Variants in PIWIL3 observed in about 807,000 individuals in gnomAD.
PIWIL3 encodes the protein piwi-like protein 3.
A neutral mutation model predicts 109.7 loss-of-function variants in PIWIL3; 101 were observed. That is an observed-to-expected ratio of 0.92 (90% CI 0.78 to 1.09). The LOEUF is 1.09. Among genes scored for constraint, PIWIL3 ranks in the 50% least tolerant of loss-of-function variants. The pLI, the probability that PIWIL3 is intolerant of heterozygous loss-of-function variation, is 0.00. For synonymous variants in PIWIL3, 373 were observed against 376.4 expected, an observed-to-expected ratio of 0.99 and a Z score of 0.10; for missense variants, 1,031 against 1,072.6, an observed-to-expected ratio of 0.96 and a Z score of 0.54.
intron 1 of PIWIL3, among the ~76,000 whole-genome samples, chr22:24,766,761 T>C (rs1925822077): frequency 6.6e-6 from 1 of 152,182 alleles, no homozygotes; most frequent in African/African-American, 2.4e-5. Flanking sequence ...AACTAATCTT[T>C]GTCTTACTGC....
intron 1 of PIWIL3, among the ~76,000 whole-genome samples, chr22:24,762,929 C>T (rs1327231013): frequency 1.3e-5 from 2 of 152,102 alleles, no homozygotes; most frequent in Admixed American, 6.5e-5. Context: ...AATGCTGCCA[C>T]ATTGGGGATC....
intron 14 of PIWIL3, among the ~76,000 whole-genome samples, chr22:24,730,179 A>G (rs770252700): frequency 2.0e-5 from 3 of 151,990 alleles, no homozygotes; most frequent in Non-Finnish European, 2.9e-5. Flanking sequence ...AGCGTGGCCA[A>G]TACGGTGAAA....
chr22:24,756,662 T>G lies in PIWIL3; in HGVS notation c.399A>C (p.Arg133=). The G allele has an allele frequency of 3.1e-6, 5 of 1,614,076 alleles. No individual in the cohort carries two copies. Among genetic ancestry groups the G allele is most frequent in the Non-Finnish European group, 4.2e-6 (5 of 1,179,990 alleles). ...CAACCCACTGAGGACGAGATATCAC[T>G]CGGAAGTGGTTGGCGAGTAGCTGTA... ...TVVQLLANHF[R]VISRPQWVAY... is the part of the protein sequence containing the mutation. The change falls in exon 5 of 21, where the codon CGA becomes CGC. Residue 133 remains arginine, a synonymous_variant. Coordinates refer to ENST00000616349, the MANE Select transcript of PIWIL3 (RefSeq NM_001255975.1).
intron 12 of PIWIL3, among the ~76,000 whole-genome samples, chr22:24,744,504 A>C (rs1417712219): frequency 6.6e-6 from 1 of 151,956 alleles, no homozygotes; most frequent in African/African-American, 2.4e-5. Flanking sequence ...ACCCGGGAGG[A>C]GGACATTGCA....
At chr22:24,741,783 T>C (rs567954700) in intron 12 of PIWIL3, among the ~76,000 whole-genome samples, 2 of 152,052 alleles carry the variant, frequency 1.3e-5, no homozygotes, top group South Asian at 4.2e-4. Context: ...CCAATGATCA[T>C]TCAGGAGCAG....
intron 12 of PIWIL3, among the ~76,000 whole-genome samples, chr22:24,739,097 T>C (rs1923829997): frequency 6.6e-6 from 1 of 151,948 alleles, no homozygotes; most frequent in African/African-American, 2.4e-5. Context: ...TCAGAGTCTC[T>C]TAAGAGCAGA....
At chr22:24,754,693 G>A in intron 7 of PIWIL3, 91 bp downstream of exon 7, 1 of 1,027,492 alleles carries the variant, frequency 9.7e-7, no homozygotes, top group Non-Finnish European at 1.5e-6. Context: ...TCACTTTTAA[G>A]GCATACCACT....
At chr22:24,753,869 C>T in intron 8 of PIWIL3, 145 bp downstream of exon 8, 1 of 666,422 alleles carries the variant, frequency 1.5e-6, no homozygotes, top group Non-Finnish European at 2.6e-6. Context: ...AGTTGTATAA[C>T]CAGAGGAGAG....
chr22:24,752,766 A>G (rs1343783238), intron 8 of PIWIL3, among the ~76,000 whole-genome samples: 1 of 152,172 alleles, frequency 6.6e-6, no homozygotes, highest in Non-Finnish European at 1.5e-5. Context: ...CAAAGAAGCC[A>G]TACCATTTAA....
At chr22:24,772,227 C>T (rs544031215) in intron 1 of PIWIL3, among the ~76,000 whole-genome samples, 2 of 152,080 alleles carry the variant, frequency 1.3e-5, no homozygotes, top group Non-Finnish European at 2.9e-5. Context: ...AGAAGTAAAT[C>T]TTATCAATAT....
intron 8 of PIWIL3, 100 bp from the exon 9 acceptor site, chr22:24,751,598 T>C: frequency 6.6e-7 from 1 of 1,514,692 alleles, no homozygotes. Flanking sequence ...AATTGCAGAA[T>C]ATATTAGATT....
At chr22:24,747,258 G>A (rs772113420) in intron 12 of PIWIL3, among the ~76,000 whole-genome samples, 26 of 151,988 alleles carry the variant, frequency 1.7e-4, no homozygotes, top group Non-Finnish European at 2.7e-4. Context: ...ATCCATATGC[G>A]GAAGAATGAA....
intron 12 of PIWIL3, among the ~76,000 whole-genome samples, chr22:24,736,268 C>A (rs79917760): frequency 0.014 from 2,082 of 152,280 alleles, 54 homozygotes; most frequent in African/African-American, 0.048. Flanking sequence ...TTTGCATCGG[C>A]CTATAATAGC....
intron 12 of PIWIL3, among the ~76,000 whole-genome samples, chr22:24,741,862 C>A (rs1190865283): frequency 6.6e-6 from 1 of 150,764 alleles, no homozygotes; most frequent in East Asian, 2.0e-4. Context: ...CCCGTTTCAC[C>A]ACTTCTATGA....
chr22:24,757,835 C>T, intron 4 of PIWIL3, 73 bp downstream of exon 4: 2 of 1,447,048 alleles, frequency 1.4e-6, no homozygotes, highest in Non-Finnish European at 1.8e-6. Flanking sequence ...AGGACCTTGT[C>T]TCTCAATGAA....
chr22:24,747,940 CA>C (rs1924469884), intron 12 of PIWIL3, among the ~76,000 whole-genome samples: 1 of 151,990 alleles, frequency 6.6e-6, no homozygotes, highest in African/African-American at 2.4e-5. Context: ...GGCATATAGC[CA>C]AAATAAAGGA....
chr22:24,724,044 G>C (rs944735693), intron 18 of PIWIL3, among the ~76,000 whole-genome samples: 2 of 152,140 alleles, frequency 1.3e-5, no homozygotes, highest in Non-Finnish European at 2.9e-5. Flanking sequence ...AAACAAAGTA[G>C]GAAGATTCCC....
chr22:24,731,717 T>C (rs1407147431), intron 14 of PIWIL3, among the ~76,000 whole-genome samples: 2 of 152,028 alleles, frequency 1.3e-5, no homozygotes, highest in East Asian at 3.8e-4. Flanking sequence ...CATAGACATA[T>C]AGCTTAGAAG....
intron 1 of PIWIL3, among the ~76,000 whole-genome samples, chr22:24,767,132 C>T (rs990741922): frequency 2.6e-5 from 4 of 151,766 alleles, no homozygotes; most frequent in Non-Finnish European, 1.5e-5. Flanking sequence ...CAGAGTGAGA[C>T]TCTGTCTCAA....
Sources: allele counts gnomAD v4.1 joint callset (sites outside exome capture counted in the v4.1 genomes callset), GRCh38; gene constraint gnomAD v4.1.1; transcripts MANE v1.5; gene names NCBI Gene and HGNC (gene_info 2026-07-23, HGNC 2026-07-21).